Variants in SMARCA2 observed in about 807,000 individuals in gnomAD.
SMARCA2 encodes SWI/SNF related BAF chromatin remodeling complex subunit ATPase 2, also known as SWI/SNF-related matrix-associated actin-dependent regulator of chromatin subfamily A member 2.
SMARCA2 carries 61 observed loss-of-function variants against 199.8 expected under a neutral mutation model. The observed-to-expected ratio is 0.31, with a 90% confidence interval of 0.25 to 0.38. SMARCA2 has a LOEUF of 0.38. Among genes scored for constraint, SMARCA2 ranks in the 10% least tolerant of loss-of-function variants. The pLI, the probability that SMARCA2 is intolerant of heterozygous loss-of-function variation, is 1.00. For synonymous variants in SMARCA2, 935 were observed against 732.0 expected, an observed-to-expected ratio of 1.28 and a Z score of -4.48; for missense variants, 1,344 against 2,012.2, an observed-to-expected ratio of 0.67 and a Z score of 6.35.
At chr9:2,174,228 G>A (rs1342482128) in intron 29 of SMARCA2, among the ~76,000 whole-genome samples, 1 of 152,186 alleles carries the variant, frequency 6.6e-6, no homozygotes, top group Admixed American at 6.5e-5. Flanking sequence ...TCTGAAGGAA[G>A]GGAAGGAGGC....
intron 9 of SMARCA2, among the ~76,000 whole-genome samples, chr9:2,064,816 A>G (rs1211484527): frequency 6.6e-6 from 1 of 152,220 alleles, no homozygotes; most frequent in East Asian, 1.9e-4. Context: ...CATCTCTCAC[A>G]GTACTTTAGG....
At chr9:2,020,208 G>C (rs7855102) in intron 1 of SMARCA2, among the ~76,000 whole-genome samples, 2,692 of 152,132 alleles carry the variant, frequency 0.018, 79 homozygotes, top group African/African-American at 0.061. Context: ...ACATTTAGGG[G>C]CTATTTCTGA....
intron 1 of SMARCA2, among the ~76,000 whole-genome samples, 173 bp downstream of exon 1, chr9:2,015,577 C>G (rs1223667508): frequency 6.6e-6 from 1 of 152,136 alleles, no homozygotes; most frequent in Non-Finnish European, 1.5e-5. Context: ...GGCGGGCCAA[C>G]CGCCGCGACA....
intron 22 of SMARCA2, among the ~76,000 whole-genome samples, chr9:2,103,792 A>G (rs1312957186): frequency 1.3e-5 from 2 of 152,006 alleles, no homozygotes; most frequent in African/African-American, 4.8e-5. Flanking sequence ...TATGCAATGC[A>G]CTTTTCATGG....
intron 27 of SMARCA2, among the ~76,000 whole-genome samples, chr9:2,150,127 C>T (rs546250838): frequency 6.6e-6 from 1 of 151,720 alleles, no homozygotes; most frequent in African/African-American, 2.4e-5. Flanking sequence ...TAGAACCTCC[C>T]TGGGAAGAGC....
chr9:2,066,832 A>G (rs997957542), intron 9 of SMARCA2, among the ~76,000 whole-genome samples: 1 of 152,218 alleles, frequency 6.6e-6, no homozygotes, highest in Non-Finnish European at 1.5e-5. Context: ...ACACCAGGAC[A>G]TTTCTTTAGG....
chr9:2,083,448 A>G, intron 16 of SMARCA2, 35 bp downstream of exon 16: 2 of 1,409,154 alleles, frequency 1.4e-6, no homozygotes, highest in South Asian at 1.2e-5. Flanking sequence ...AAATGTGGAA[A>G]AGCAAAAAAT....
Position 2,123,623 on chromosome 9 carries a change from G to A in SMARCA2, c.3763-96G>A. On this transcript the variant is annotated intron_variant, in intron 26 of 33. Coordinates refer to ENST00000349721, the MANE Select transcript of SMARCA2 (RefSeq NM_003070.5). This position sits in a 1 kb window ranked among gnomAD's most constrained non-coding sequence, Gnocchi z 4.1. ...GAGAGAGGTTGAAAGGGACCCTGCA[G>A]CCATAGGAAGTGACTTGGGGAAGTT... 7 of 1,046,040 alleles carry A rather than the reference G, an allele frequency of 6.7e-6. No homozygotes were observed. The highest frequency in any genetic ancestry group is 4.0e-5 in the South Asian group (3 of 74,388). 64.8% of individuals were successfully genotyped at this position (1,046,040 alleles called of 1,614,324 possible).
chr9:2,144,098 G>A (rs1334561801), intron 27 of SMARCA2, among the ~76,000 whole-genome samples: 1 of 152,020 alleles, frequency 6.6e-6, no homozygotes, highest in Non-Finnish European at 1.5e-5. Flanking sequence ...TTTCTTTTGA[G>A]GGGGCAGTCA....
Position 2,119,556 on chromosome 9 carries a change from G to T in SMARCA2, c.3762+21G>T. The T allele has an allele frequency of 6.6e-7, 1 of 1,509,526 alleles. No homozygotes were observed. The highest frequency in any genetic ancestry group is 9.2e-7 in the Non-Finnish European group (1 of 1,085,302). 93.5% of individuals were successfully genotyped at this position (1,509,526 alleles called of 1,614,324 possible). ...TTATGGTAATGTTACAGAAAATCAT[G>T]AACACAAATGCTTTATACCTCTGCC... On this transcript the variant is annotated intron_variant, in intron 26 of 33. Transcript: ENST00000349721. The surrounding 1 kb of genome is among the most constrained non-coding windows in gnomAD (Gnocchi z 4.6).
At position 2,169,993 on chromosome 9, in the gene SMARCA2, C is replaced by G. The variant is rs1826159140; in HGVS notation, c.4200-426C>G. 1.3e-5 allele frequency among the ~76,000 whole-genome samples: 2 copies of G among 152,128 alleles called. No homozygotes were observed. Among genetic ancestry groups the G allele is most frequent in the Non-Finnish European group, 2.9e-5 (2 of 68,010 alleles). On this transcript the variant is annotated intron_variant, in intron 28 of 33. Transcript: ENST00000349721. The surrounding 1 kb of genome is among the most constrained non-coding windows in gnomAD (Gnocchi z 6.5). ...GGCTACTGTAAGAAAGCACTTTATCCTATTTAATTTTTATAACTTTCTGAG... is the reference window on the plus strand; with the variant it reads ...GGCTACTGTAAGAAAGCACTTTATCGTATTTAATTTTTATAACTTTCTGAG...
chr9:2,180,374 G>C (rs1234690098), intron 29 of SMARCA2, among the ~76,000 whole-genome samples: 1 of 152,156 alleles, frequency 6.6e-6, no homozygotes, highest in Non-Finnish European at 1.5e-5. Flanking sequence ...AACTGTTTGA[G>C]TTACTGCGCA....
In SMARCA2 at chr9:2,096,027, A is replaced by G. The variant is rs376571771; in HGVS notation, c.2884-630A>G. On this transcript the variant is annotated intron_variant, in intron 19 of 33. Coordinates refer to ENST00000349721, the MANE Select transcript of SMARCA2 (RefSeq NM_003070.5). ...GGATTTTGATGGTATTTCAACTGGA[A>G]GCACAGGAGGCCTTGTCCTCCTTTA... 1.7e-4 allele frequency among the ~76,000 whole-genome samples: 26 copies of G among 152,330 alleles called. No individual in the cohort carries two copies. The South Asian group carries it at 4.3e-3, about 25-fold the overall frequency.
At chr9:2,157,044 C>A (rs1034779481) in intron 27 of SMARCA2, among the ~76,000 whole-genome samples, 2 of 152,136 alleles carry the variant, frequency 1.3e-5, no homozygotes, top group African/African-American at 4.8e-5. Context: ...CTGTCCAAAG[C>A]CCTGAGTCTG....
chr9:2,160,110 G>GAC lies in SMARCA2; in HGVS notation c.3982-1574_3982-1573dup, dbSNP rs919682964. The GAC allele has an allele frequency of 9.5e-6, 6 of 629,620 alleles. No individual in the cohort carries two copies. In the African/African-American group the frequency reaches 1.1e-4, roughly 12 times the overall value. The allele number at this position is 629,620 out of a possible 1,614,324, so 39.0% of individuals were successfully genotyped here. On this transcript the variant is annotated intron_variant, in intron 27 of 33. Transcript: ENST00000349721. ...CATGTTCAGCCTCCAAGATATGCGG[G>GAC]ACAATTTCCTTTTCTTAATCTTCGC...
intron 1 of SMARCA2, among the ~76,000 whole-genome samples, chr9:2,022,465 T>A (rs1238221299): frequency 1.3e-5 from 2 of 152,200 alleles, no homozygotes; most frequent in Non-Finnish European, 2.9e-5. Context: ...ATGGCTATTA[T>A]CCATTTTAAC....
At chr9:2,055,437 C>T (rs1281478189) in intron 6 of SMARCA2, 3 of 152,178 alleles carry the variant, frequency 2.0e-5, no homozygotes, top group African/African-American at 4.8e-5. Context: ...TTTGCTAGTC[C>T]GCAGATTGCC....
At chr9:2,159,769 A>C (rs772821032) in intron 27 of SMARCA2, 2 of 1,569,584 alleles carry the variant, frequency 1.3e-6, no homozygotes, top group South Asian at 2.3e-5. Flanking sequence ...TTACTTGTAT[A>C]TGAAAACACA....
intron 23 of SMARCA2, among the ~76,000 whole-genome samples, chr9:2,105,338 C>T (rs772371833): frequency 6.6e-5 from 10 of 152,144 alleles, no homozygotes; most frequent in South Asian, 2.1e-4. Flanking sequence ...TTCTGCCACC[C>T]GGGTTCAGGT....
Sources: allele counts gnomAD v4.1 joint callset (sites outside exome capture counted in the v4.1 genomes callset), GRCh38; gene constraint gnomAD v4.1.1; non-coding constraint Gnocchi (gnomAD v3.1); transcripts MANE v1.5; gene names NCBI Gene and HGNC (gene_info 2026-07-23, HGNC 2026-07-21).